RGS3: variants seen among roughly 807,000 people sequenced by gnomAD.
The protein encoded by RGS3 is regulator of G-protein signalling 3.
In RGS3, 80 loss-of-function variants were observed where a neutral mutation model predicts 132.6. That is an observed-to-expected ratio of 0.60 (90% CI 0.50 to 0.73). RGS3 has a LOEUF of 0.73. RGS3 is among the 30% of genes least tolerant of loss of function. RGS3 has a pLI of 0.00. For missense variants in RGS3, 1,382 were observed against 1,530.8 expected (o/e 0.90, Z 1.62); for synonymous variants, 598 against 620.6 (o/e 0.96, Z 0.54).
intron 10 of RGS3, among the ~76,000 whole-genome samples, chr9:113,498,879 T>TG (rs1182961955): frequency 7.3e-6 from 1 of 137,828 alleles, no homozygotes; most frequent in Non-Finnish European, 1.5e-5. Context: ...ATCATGCCAC[T>TG]GCACTCCAGC....
At chr9:113,498,450 A>G (rs937390439) in intron 10 of RGS3, among the ~76,000 whole-genome samples, 3 of 152,112 alleles carry the variant, frequency 2.0e-5, no homozygotes, top group African/African-American at 7.2e-5. Flanking sequence ...GCTTGATGTC[A>G]GGGGGCAGCT....
chr9:113,458,901 GCCACCACA>G (rs1829413666), upstream of RGS3, among the ~76,000 whole-genome samples: 1 of 152,102 alleles, frequency 6.6e-6, no homozygotes, highest in African/African-American at 2.4e-5. Context: ...ACAGGCGCAT[GCCACCACA>G]CCTGACTATC....
intron 19 of RGS3, among the ~76,000 whole-genome samples, chr9:113,577,385 A>T (rs955852406): frequency 2.6e-5 from 4 of 152,200 alleles, no homozygotes; most frequent in African/African-American, 7.2e-5. Flanking sequence ...TAGTAAAAAG[A>T]TCCTTGAAGT....
At chr9:113,524,074 G>A (rs1430996195) in intron 17 of RGS3, among the ~76,000 whole-genome samples, 1 of 152,196 alleles carries the variant, frequency 6.6e-6, no homozygotes, top group Non-Finnish European at 1.5e-5. Context: ...TGACCACAGG[G>A]CGGTGGGAAG....
intron 14 of RGS3, 42 bp downstream of exon 12, chr9:113,508,622 G>T (rs1232187863): frequency 1.9e-6 from 3 of 1,605,470 alleles, no homozygotes; most frequent in Non-Finnish European, 1.7e-6. Context: ...GCTCAGAGAG[G>T]CAGCAGGGGT....
At chr9:113,512,894 T>G (rs1205084899) in intron 14 of RGS3, among the ~76,000 whole-genome samples, 2 of 152,150 alleles carry the variant, frequency 1.3e-5, no homozygotes, top group Admixed American at 6.5e-5. Context: ...CTAGACGGAA[T>G]GTAACAAAAA....
intron 19 of RGS3, among the ~76,000 whole-genome samples, chr9:113,546,290 C>T (rs529077656): frequency 6.6e-5 from 10 of 152,362 alleles, no homozygotes; most frequent in African/African-American, 2.2e-4. Context: ...TCTGAGAACA[C>T]CTTTCTCAGG....
At position 113,495,227 on chromosome 9, in the gene RGS3, C is replaced by T. The variant is rs147895888; in HGVS notation, c.690-559C>T. The stretch of plus-strand genomic sequence containing the variant: ...AATTTAGCCCCTCGCCATAGTCTGA[C>T]ATCCCCATGAGGCCTGACCCTGGCC... On this transcript the variant is annotated intron_variant, in intron 7 of 24. Coordinates refer to ENST00000350696, the Ensembl canonical transcript of RGS3. Among the ~76,000 whole-genome samples the T allele has an allele frequency of 2.1e-3, 316 of 152,270 alleles. 2 individuals are homozygous for T. Among genetic ancestry groups the T allele is most frequent in the Non-Finnish European group, 1.3e-3 (91 of 68,014 alleles).
exon 7 of RGS3, chr9:113,485,688 G>C (rs778543736): frequency 2.7e-5 from 43 of 1,588,284 alleles, no homozygotes; most frequent in Non-Finnish European, 3.6e-5. Context: ...GGGCCAGCCA[G>C]TCCAGGTGAG....
intron 18 of RGS3, among the ~76,000 whole-genome samples, chr9:113,531,499 C>T (rs973908400): frequency 7.2e-5 from 11 of 152,106 alleles, no homozygotes; most frequent in African/African-American, 2.7e-4. Flanking sequence ...TAGCACAGAG[C>T]CTGGCACACA....
chr9:113,463,849 A>T lies in RGS3; in HGVS notation c.415+1648A>T. 6.2e-7 allele frequency: 1 copy of T among 1,613,056 alleles called. No individual in the cohort carries two copies. Among genetic ancestry groups the T allele is most frequent in the Non-Finnish European group, 8.5e-7 (1 of 1,179,800 alleles). Reference sequence around the variant, plus strand: ...GTCTCCCTCGGGAGCCGGCGTGCCCACCCGGACTTGTCCTTCTACCTCACC... The same window carrying T: ...GTCTCCCTCGGGAGCCGGCGTGCCCTCCCGGACTTGTCCTTCTACCTCACC... On this transcript the variant is annotated intron_variant, in intron 3 of 24. Transcript: ENST00000350696. The surrounding 1 kb of genome is among the most constrained non-coding windows in gnomAD (Gnocchi z 4.6).
At chr9:113,451,813 G>C (rs1314116067) in intron 1 of RGS3, among the ~76,000 whole-genome samples, 1 of 151,438 alleles carries the variant, frequency 6.6e-6, no homozygotes, top group African/African-American at 2.4e-5. Context: ...ATTCCTTTGT[G>C]TAGATCCAGA....
chr9:113,453,267 C>T (rs768809061), intron 1 of RGS3, among the ~76,000 whole-genome samples: 7 of 57,778 alleles, frequency 1.2e-4, no homozygotes, highest in African/African-American at 4.3e-4. Flanking sequence ...TATATGATTA[C>T]ATAATATACT....
intron 3 of RGS3, among the ~76,000 whole-genome samples, chr9:113,474,792 C>A (rs1185898736): frequency 6.6e-6 from 1 of 152,202 alleles, no homozygotes; most frequent in East Asian, 1.9e-4. Flanking sequence ...GCTAGCCAGG[C>A]AAGTCCATCA....
rs778676718 is a variant in RGS3, at chr9:113,591,504, G to T, written c.3080+107G>T. On this transcript the variant is annotated intron_variant, in intron 21 of 24. Coordinates refer to ENST00000350696, the Ensembl canonical transcript of RGS3. The surrounding 1 kb of genome is among the most constrained non-coding windows in gnomAD (Gnocchi z 4.4). ...GGGAGAAGAGGTTGTGCCTGGTCCCGCCCACAACCCCAGACAGACACCAAG... is the reference window on the plus strand; with the variant it reads ...GGGAGAAGAGGTTGTGCCTGGTCCCTCCCACAACCCCAGACAGACACCAAG... 1.0e-6 allele frequency: 1 copy of T among 962,486 alleles called. No homozygotes were observed. Among genetic ancestry groups the T allele is most frequent in the Non-Finnish European group, 1.7e-6 (1 of 599,944 alleles). The allele number at this position is 962,486 out of a possible 1,614,324, so 59.6% of individuals were successfully genotyped here.
rs1409669538 is a variant in RGS3 at position 113,463,587 on chromosome 9, T to TCC, written c.415+1390_415+1391dup. On this transcript the variant is annotated intron_variant, in intron 3 of 24. Transcript: ENST00000350696. The surrounding 1 kb of genome is among the most constrained non-coding windows in gnomAD (Gnocchi z 4.6). ...CTCAGCGCGGGTCGGCGGCGCCGCC[T>TCC]CCCCCACCCCGGCCCAGCTCTGCTC... 1 of 535,520 alleles carries TCC rather than the reference T, an allele frequency of 1.9e-6. No homozygotes were observed. The highest frequency in any genetic ancestry group is 2.1e-5 in the African/African-American group (1 of 46,584). 33.2% of individuals were successfully genotyped at this position (535,520 alleles called of 1,614,324 possible). A position where few individuals can be genotyped will look rare whatever the true frequency, so the allele number is the denominator to read the frequency against.
chr9:113,579,316 G>T lies in RGS3; in HGVS notation c.2038-4134G>T, dbSNP rs1428436072. On this transcript the variant is annotated intron_variant, in intron 19 of 24. Coordinates refer to ENST00000350696, the Ensembl canonical transcript of RGS3. This position sits in a 1 kb window ranked among gnomAD's most constrained non-coding sequence, Gnocchi z 4.3. The stretch of plus-strand genomic sequence containing the variant: ...CAAAGCTGGTATGAGTGTGAACTCT[G>T]GGTGTCATAGCTGCCATCCCTCCTT... Among the ~76,000 whole-genome samples, 1 of 152,224 alleles carries T rather than the reference G, an allele frequency of 6.6e-6. No homozygotes were observed. The highest frequency in any genetic ancestry group is 1.5e-5 in the Non-Finnish European group (1 of 68,046).
At chr9:113,513,089 G>T (rs1480853549) in intron 14 of RGS3, among the ~76,000 whole-genome samples, 2 of 152,186 alleles carry the variant, frequency 1.3e-5, no homozygotes, top group Non-Finnish European at 2.9e-5. Context: ...CCAGCTACTT[G>T]GGGGACTGAG....
chr9:113,580,218 C>T (rs1834723507), intron 19 of RGS3, among the ~76,000 whole-genome samples: 1 of 152,244 alleles, frequency 6.6e-6, no homozygotes, highest in African/African-American at 2.4e-5. Flanking sequence ...GGGCCTCAGG[C>T]AGCACTCCAG....
Sources: gnomAD v4.1 joint callset for allele counts (sites outside exome capture counted in the v4.1 genomes callset) on GRCh38, gnomAD v4.1.1 for gene constraint, Gnocchi (gnomAD v3.1) non-coding constraint, MANE v1.5 for transcripts, NCBI Gene and HGNC (gene_info 2026-07-23, HGNC 2026-07-21) for gene names.